IRAG1: variants seen among roughly 807,000 people sequenced by gnomAD.
The protein encoded by IRAG1 is inositol 1,4,5-triphosphate receptor associated 1, also known as IP3R-associated cGMP kinase substrate.
In IRAG1, 62 loss-of-function variants were observed where a neutral mutation model predicts 106.2. The observed-to-expected ratio is 0.58, with a 90% confidence interval of 0.48 to 0.72. The LOEUF is 0.72. IRAG1 is among the 30% of genes least tolerant of loss of function. The pLI is 0.00. For synonymous variants in IRAG1, 462 were observed against 443.9 expected (o/e 1.04, Z -0.51); for missense variants, 1,064 against 1,140.7 (o/e 0.93, Z 0.97).
intron 2 of IRAG1, among the ~76,000 whole-genome samples, chr11:10,643,762 C>T (rs1231542734): frequency 2.6e-5 from 4 of 152,138 alleles, no homozygotes; most frequent in South Asian, 4.1e-4. Flanking sequence ...CCCTAAGCTC[C>T]GACCGCATGC....
At position 10,593,525 on chromosome 11, in the gene IRAG1, G is replaced by T; in HGVS notation, c.2142C>A (p.Pro714=). 1 of 1,613,780 alleles carries T rather than the reference G, an allele frequency of 6.2e-7. No individual in the cohort carries two copies. The highest frequency in any genetic ancestry group is 8.5e-7 in the Non-Finnish European group (1 of 1,179,746). The part of the protein sequence containing the change: ...FNALNLPGQT[P]SSSSIPSLPA... ...GTAAGGAGGGAATGGATGATGAGCT[G>T]GGAGTTTGGCCAGGCAGATTCAGGG... Residue 714 remains proline (P), a synonymous_variant, in exon 17 of 21, where the codon CCC becomes CCA. Coordinates refer to ENST00000423302, the MANE Select transcript of IRAG1 (RefSeq NM_130385.4).
In IRAG1 at chr11:10,628,836, G is replaced by A. The variant is rs879516016; in HGVS notation, c.575-8C>T. On this transcript the variant is annotated splice_region_variant and splice_polypyrimidine_tract_variant and intron_variant, in intron 5 of 20. Transcript: ENST00000423302. The surrounding 1 kb of genome is among the most constrained non-coding windows in gnomAD (Gnocchi z 4.1). ...TGAGGTTCGGGGAAACAGCTGTGAA[G>A]ACAGACACAAATTGGCTGGCATTCA... 7.6e-6 allele frequency: 12 copies of A among 1,575,068 alleles called. No individual in the cohort carries two copies. Among genetic ancestry groups the A allele is most frequent in the Non-Finnish European group, 9.5e-6 (11 of 1,161,726 alleles).
At chr11:10,592,419 T>C (rs1392945051) in intron 17 of IRAG1, among the ~76,000 whole-genome samples, 1 of 152,130 alleles carries the variant, frequency 6.6e-6, no homozygotes, top group East Asian at 1.9e-4. Context: ...TTTTTTCAGG[T>C]TGTTTTATTT....
At chr11:10,674,047 A>T (rs1390574) in intron 1 of IRAG1, among the ~76,000 whole-genome samples, 1 of 152,232 alleles carries the variant, frequency 6.6e-6, no homozygotes, top group African/African-American at 2.4e-5. Context: ...ATGAATGTGC[A>T]GATTACTCAT....
At chr11:10,638,988 C>T (rs942696299) in intron 2 of IRAG1, among the ~76,000 whole-genome samples, 5 of 152,176 alleles carry the variant, frequency 3.3e-5, no homozygotes, top group Admixed American at 1.3e-4. Flanking sequence ...GTGATATGAT[C>T]TTGGCTCACT....
Position 10,649,274 on chromosome 11 carries a change from C to T in IRAG1, c.225+2751G>A, listed in dbSNP as rs987568243. Among the ~76,000 whole-genome samples the T allele has an allele frequency of 8.5e-5, 13 of 152,260 alleles. No homozygotes were observed. The East Asian group carries it at 2.5e-3, about 29-fold the overall frequency. Reference sequence around the variant, plus strand: ...CTGAAAAGCTTTGAAATGTCCAGGGCGTGGCAGTAAGGGAAGAGGGTAAAA... The same window carrying T: ...CTGAAAAGCTTTGAAATGTCCAGGGTGTGGCAGTAAGGGAAGAGGGTAAAA... On this transcript the variant is annotated intron_variant, in intron 2 of 20. Transcript: ENST00000423302.
Position 10,593,597 on chromosome 11 carries a change from A to T in IRAG1, c.2070T>A (p.Asn690Lys). The T allele has an allele frequency of 6.2e-7, 1 of 1,612,534 alleles. No homozygotes were observed. Among genetic ancestry groups the T allele is most frequent in the Middle Eastern group, 1.6e-4 (1 of 6,062 alleles). ...ARSMSLTLGK[N>K]MPRRRVSVAV... ...CAACGCTGACCCTCCGGCGAGGCAT[A>T]TTCTGCAGGAAGAGAAGTGACCAGG... Residue 690 changes from asparagine (N) to lysine (K), a missense_variant and splice_region_variant, in exon 17 of 21, where the codon AAT becomes AAA. By Grantham distance (94) the Asn-to-Lys change is moderately conservative. Transcript: ENST00000423302.
chr11:10,685,963 G>A (rs539009870), intron 1 of IRAG1, among the ~76,000 whole-genome samples: 233 of 152,074 alleles, frequency 1.5e-3, no homozygotes, highest in Middle Eastern at 6.8e-3. Flanking sequence ...AAACTACAAC[G>A]GGGACCAGTT....
chr11:10,635,406 C>T (rs1857075310), intron 2 of IRAG1, among the ~76,000 whole-genome samples: 2 of 152,226 alleles, frequency 1.3e-5, no homozygotes, highest in Non-Finnish European at 2.9e-5. Context: ...CTGCCTCCCG[C>T]AGCTTCAAAG....
rs397812916 is a variant in IRAG1, at chr11:10,687,876, T to TG, written c.67+5659dup. On this transcript the variant is annotated intron_variant, in intron 1 of 20. Coordinates refer to ENST00000423302, the MANE Select transcript of IRAG1 (RefSeq NM_130385.4). ...TAAGGGATTTAGCTTTGCTTTTTTTTGGGGGGGGGTGGTATTTAACTTTGT... is the reference window on the plus strand; with the variant it reads ...TAAGGGATTTAGCTTTGCTTTTTTTTGGGGGGGGGGTGGTATTTAACTTTGT... The TG allele has an allele frequency of 4.3e-3, 4,155 of 963,194 alleles. 51 individuals are homozygous for TG. The highest frequency in any genetic ancestry group is 0.04 in the African/African-American group (2,098 of 52,994). The allele number at this position is 963,194 out of a possible 1,614,324, so 59.7% of individuals were successfully genotyped here.
rs557151688 is a variant in IRAG1 at position 10,692,190 on chromosome 11, T to G, written c.67+1346A>C. 4.1e-5 allele frequency among the ~76,000 whole-genome samples: 5 copies of G among 122,734 alleles called. No individual in the cohort carries two copies. In the South Asian group the frequency reaches 1.2e-3, roughly 29 times the overall value. The allele number at this position is 122,734 out of a possible 152,430, so 80.5% of individuals were successfully genotyped here. ...AATATAAACAGCCACCCACCAAATA[T>G]GCATGCACACACACACACATACACG... On this transcript the variant is annotated intron_variant, in intron 1 of 20. Transcript: ENST00000423302.
At chr11:10,655,875 T>A (rs1042162887) in intron 1 of IRAG1, among the ~76,000 whole-genome samples, 3 of 152,146 alleles carry the variant, frequency 2.0e-5, no homozygotes, top group Non-Finnish European at 4.4e-5. Flanking sequence ...AACATAAAAG[T>A]AGAGTGGATG....
chr11:10,690,907 CA>C, intron 1 of IRAG1, among the ~76,000 whole-genome samples: 1 of 152,346 alleles, frequency 6.6e-6, no homozygotes, highest in East Asian at 1.9e-4. Context: ...TCCTCTGACT[CA>C]GCTCCCCAAG....
chr11:10,615,356 T>C (rs1855311742), intron 10 of IRAG1, among the ~76,000 whole-genome samples: 1 of 152,228 alleles, frequency 6.6e-6, no homozygotes, highest in African/African-American at 2.4e-5. Flanking sequence ...GGTTCAACCA[T>C]TGTGGAAGAC....
intron 1 of IRAG1, among the ~76,000 whole-genome samples, chr11:10,681,971 T>C (rs1861295875): frequency 6.6e-6 from 1 of 152,108 alleles, no homozygotes; most frequent in South Asian, 2.1e-4. Flanking sequence ...CAAGTATGAG[T>C]TTCTATCTGT....
At chr11:10,673,640 T>C (rs1860425934) in intron 1 of IRAG1, among the ~76,000 whole-genome samples, 1 of 151,956 alleles carries the variant, frequency 6.6e-6, no homozygotes, top group South Asian at 2.1e-4. Context: ...AGTAGGTGAG[T>C]CATATGGCGT....
chr11:10,616,571 C>T (rs995581755), intron 10 of IRAG1, among the ~76,000 whole-genome samples: 3 of 152,122 alleles, frequency 2.0e-5, no homozygotes, highest in African/African-American at 7.2e-5. Context: ...TAACTCCAAA[C>T]CCTTTATGCA....
chr11:10,692,689 C>A (rs559031947), intron 1 of IRAG1, among the ~76,000 whole-genome samples: 5 of 152,352 alleles, frequency 3.3e-5, no homozygotes, highest in African/African-American at 1.2e-4. Flanking sequence ...AGCTGCCGAG[C>A]TCTGGGAGGC....
chr11:10,615,717 G>T (rs1855344693), intron 10 of IRAG1, among the ~76,000 whole-genome samples: 1 of 151,928 alleles, frequency 6.6e-6, no homozygotes, highest in Admixed American at 6.6e-5. Context: ...TCACTCATAG[G>T]CGGGAATTGA....
Sources: allele counts gnomAD v4.1 joint callset (sites outside exome capture counted in the v4.1 genomes callset), GRCh38; gene constraint gnomAD v4.1.1; non-coding constraint Gnocchi (gnomAD v3.1); transcripts MANE v1.5; gene names NCBI Gene and HGNC (gene_info 2026-07-23, HGNC 2026-07-21).